The following SEMA3C variants were observed in gnomAD, a reference collection of about 807,000 sequenced individuals.
SEMA3C encodes semaphorin 3C.
A neutral mutation model predicts 89.4 loss-of-function variants in SEMA3C; 47 were observed. That is an observed-to-expected ratio of 0.53 (90% CI 0.42 to 0.67). The LOEUF is 0.67. Among genes scored for constraint, SEMA3C ranks in the 30% least tolerant of loss-of-function variants. SEMA3C has a pLI of 0.00. For synonymous variants in SEMA3C, 310 were observed against 320.2 expected (o/e 0.97, Z 0.34); for missense variants, 839 against 929.1 (o/e 0.90, Z 1.26).
intron 4 of SEMA3C, among the ~76,000 whole-genome samples, chr7:80,822,416 TA>T (rs34568196): frequency 2.3e-3 from 332 of 143,964 alleles, no homozygotes; most frequent in South Asian, 3.7e-3. Flanking sequence ...TAAATAAAAA[TA>T]AAAAAAAAAC....
upstream of SEMA3C, among the ~76,000 whole-genome samples, chr7:80,919,647 G>A (rs540830387): frequency 1.3e-5 from 2 of 151,802 alleles, no homozygotes; most frequent in Admixed American, 6.6e-5. Context: ...GCAGTGCAGT[G>A]GTGTGATCAT....
intron 2 of SEMA3C, among the ~76,000 whole-genome samples, chr7:80,900,144 C>T (rs1791841743): frequency 1.3e-5 from 2 of 151,356 alleles, no homozygotes; most frequent in South Asian, 2.1e-4. Flanking sequence ...GACGGAGTCT[C>T]GCTCTGTTGC....
chr7:80,777,445 C>A (rs867350999), intron 12 of SEMA3C, among the ~76,000 whole-genome samples: 3 of 152,144 alleles, frequency 2.0e-5, no homozygotes, highest in African/African-American at 7.2e-5. Context: ...ATGCGTGCCA[C>A]CACGCCTGGC....
chr7:80,903,010 G>C (rs149272726), intron 2 of SEMA3C, among the ~76,000 whole-genome samples: 2 of 152,290 alleles, frequency 1.3e-5, no homozygotes, highest in East Asian at 3.9e-4. Flanking sequence ...CCCTGACAGG[G>C]TTTGATCCAC....
rs549433954 is a variant in SEMA3C, at chr7:80,849,374, T to C, written c.104-20629A>G. On this transcript the variant is annotated intron_variant, in intron 2 of 17. Transcript: ENST00000265361. The stretch of plus-strand genomic sequence containing the variant: ...TACATAAAAAGAAAATCACCATTGC[T>C]GACAAAATACTTTTCCTTAATTGTA... 7.9e-5 allele frequency among the ~76,000 whole-genome samples: 12 copies of C among 151,382 alleles called. No homozygotes were observed. The South Asian group carries it at 2.5e-3, about 31-fold the overall frequency.
chr7:80,814,007 C>T (rs1266382767), intron 5 of SEMA3C, among the ~76,000 whole-genome samples: 2 of 151,890 alleles, frequency 1.3e-5, no homozygotes, highest in South Asian at 4.2e-4. Context: ...TATGTTTTTA[C>T]AATGACTTAT....
intron 6 of SEMA3C, 88 bp from the exon 7 acceptor site, chr7:80,805,846 G>A: frequency 1.2e-6 from 1 of 811,758 alleles, no homozygotes; most frequent in Non-Finnish European, 1.9e-6. Context: ...GATCACCACA[G>A]GTATTACAGT....
At chr7:80,863,893 C>CAT (rs1476965484) in intron 2 of SEMA3C, among the ~76,000 whole-genome samples, 72 of 113,614 alleles carry the variant, frequency 6.3e-4, no homozygotes, top group South Asian at 1.7e-3. Flanking sequence ...ATATATATCA[C>CAT]ACATATATTA....
At chr7:80,845,689 T>C (rs1790372747) in intron 2 of SEMA3C, among the ~76,000 whole-genome samples, 1 of 152,178 alleles carries the variant, frequency 6.6e-6, no homozygotes, top group Admixed American at 6.5e-5. Flanking sequence ...AGCCTTCTAC[T>C]TGCTCTTCCT....
chr7:80,774,494 A>G (rs372572475), intron 12 of SEMA3C, among the ~76,000 whole-genome samples: 26 of 152,186 alleles, frequency 1.7e-4, no homozygotes, highest in Admixed American at 4.6e-4. Context: ...ATTAACAGAC[A>G]GGAAAATTCA....
chr7:80,888,106 T>C (rs1583980897), intron 2 of SEMA3C, among the ~76,000 whole-genome samples: 1 of 152,270 alleles, frequency 6.6e-6, no homozygotes, highest in South Asian at 2.1e-4. Context: ...CCTGAGTCTC[T>C]AGGCAACTTA....
intron 12 of SEMA3C, among the ~76,000 whole-genome samples, chr7:80,773,483 C>T (rs1364456559): frequency 2.0e-5 from 3 of 152,102 alleles, no homozygotes; most frequent in Non-Finnish European, 4.4e-5. Context: ...TACTTTCCTG[C>T]AGCAAGCAAA....
At chr7:80,805,155 T>C (rs1789308362) in intron 7 of SEMA3C, among the ~76,000 whole-genome samples, 1 of 152,022 alleles carries the variant, frequency 6.6e-6, no homozygotes, top group South Asian at 2.1e-4. Flanking sequence ...TATGAGAAAA[T>C]ACATACCAGT....
At chr7:80,798,479 T>G (rs1262612044) in intron 10 of SEMA3C, among the ~76,000 whole-genome samples, 3 of 152,168 alleles carry the variant, frequency 2.0e-5, no homozygotes, top group Admixed American at 2.0e-4. Flanking sequence ...CTTTTCAATG[T>G]TTCCAAAATA....
At chr7:80,833,996 T>C (rs1453054196) in intron 2 of SEMA3C, among the ~76,000 whole-genome samples, 2 of 152,190 alleles carry the variant, frequency 1.3e-5, no homozygotes, top group Non-Finnish European at 2.9e-5. Flanking sequence ...AGGCAAAGAA[T>C]GGCATTGTCA....
chr7:80,800,224 T>C (rs1789169665), intron 10 of SEMA3C, among the ~76,000 whole-genome samples: 2 of 152,042 alleles, frequency 1.3e-5, no homozygotes, highest in African/African-American at 4.8e-5. Flanking sequence ...TAGTCATCAC[T>C]TTACTTCAGA....
At chr7:80,903,948 A>G (rs543001246) in intron 2 of SEMA3C, among the ~76,000 whole-genome samples, 7 of 152,160 alleles carry the variant, frequency 4.6e-5, no homozygotes, top group Non-Finnish European at 1.0e-4. Flanking sequence ...TAGAAAGTCT[A>G]TTATCCCACC....
intron 2 of SEMA3C, among the ~76,000 whole-genome samples, chr7:80,839,395 G>A (rs1050573707): frequency 6.6e-6 from 1 of 152,060 alleles, no homozygotes; most frequent in African/African-American, 2.4e-5. Flanking sequence ...TTCCAGGATG[G>A]TTAACAAAAC....
chr7:80,896,141 T>C (rs1046429128), intron 2 of SEMA3C, among the ~76,000 whole-genome samples: 3 of 152,152 alleles, frequency 2.0e-5, no homozygotes, highest in South Asian at 2.1e-4. Context: ...ATTTTTAAAA[T>C]TGCTTTTTCG....
Sources: allele counts gnomAD v4.1 joint callset (sites outside exome capture counted in the v4.1 genomes callset), GRCh38; gene constraint gnomAD v4.1.1; transcripts MANE v1.5; gene names NCBI Gene and HGNC (gene_info 2026-07-23, HGNC 2026-07-21).